The following TRIO variants were observed in gnomAD, a reference collection of about 807,000 sequenced individuals.
TRIO encodes triple functional domain protein.
Under a neutral mutation model 351.9 loss-of-function variants are expected in TRIO, and 58 were observed. The ratio of observed to expected loss-of-function variants is 0.16; its 90% CI spans 0.13 to 0.21. The LOEUF (loss-of-function observed/expected upper bound fraction) is 0.21. Among genes scored for constraint, TRIO ranks in the 10% least tolerant of loss-of-function variants. TRIO has a pLI of 1.00. For synonymous variants in TRIO, 1,758 were observed against 1,595.7 expected (o/e 1.10, Z -2.42); for missense variants, 3,201 against 4,027.8 (o/e 0.79, Z 5.56).
At chr5:14,294,009 CTAA>C (rs1202686913) in intron 6 of TRIO, among the ~76,000 whole-genome samples, 3 of 39,256 alleles carry the variant, frequency 7.6e-5, no homozygotes, top group Non-Finnish European at 1.5e-4. Context: ...GACCCCATCT[CTAA>C]AAAAAAAAAA....
intron 9 of TRIO, among the ~76,000 whole-genome samples, chr5:14,324,678 C>T (rs552149020): frequency 5.1e-4 from 77 of 152,290 alleles, no homozygotes; most frequent in Middle Eastern, 3.4e-3. Context: ...GGTTACTTAT[C>T]CGAGCCTCAA....
intron 27 of TRIO, among the ~76,000 whole-genome samples, chr5:14,393,241 C>CG (rs945434025): frequency 7.9e-6 from 1 of 125,792 alleles, no homozygotes; most frequent in Non-Finnish European, 1.7e-5. Context: ...TGGGGCCTGT[C>CG]GGGGGGTGGG....
At chr5:14,318,927 C>T (rs1479115035) in intron 9 of TRIO, among the ~76,000 whole-genome samples, 2 of 152,176 alleles carry the variant, frequency 1.3e-5, no homozygotes, top group African/African-American at 4.8e-5. Flanking sequence ...CCTCCTTTCC[C>T]CCCACACCCC....
intron 11 of TRIO, among the ~76,000 whole-genome samples, chr5:14,343,198 G>A (rs1019493954): frequency 6.6e-6 from 1 of 151,894 alleles, no homozygotes; most frequent in Admixed American, 6.6e-5. Flanking sequence ...AATCAAACCA[G>A]GACACTGACT....
At chr5:14,301,473 T>G (rs1298753028) in intron 7 of TRIO, among the ~76,000 whole-genome samples, 7 of 152,146 alleles carry the variant, frequency 4.6e-5, no homozygotes, top group African/African-American at 1.4e-4. Flanking sequence ...CTCATTAGAC[T>G]GCAGTAGCCA....
At chr5:14,373,865 C>T (rs529170898) in intron 18 of TRIO, among the ~76,000 whole-genome samples, 2 of 152,224 alleles carry the variant, frequency 1.3e-5, no homozygotes, top group Non-Finnish European at 2.9e-5. Context: ...CTGAGTTCTG[C>T]AGCTCAAGGT....
At chr5:14,356,450 G>A (rs900655753) in intron 11 of TRIO, among the ~76,000 whole-genome samples, 14 of 152,182 alleles carry the variant, frequency 9.2e-5, no homozygotes, top group African/African-American at 2.9e-4. Flanking sequence ...ATTTAGAATG[G>A]CTTAAGTTAA....
At chr5:14,230,042 T>G (rs1386046397) in intron 1 of TRIO, among the ~76,000 whole-genome samples, 2 of 152,166 alleles carry the variant, frequency 1.3e-5, no homozygotes, top group Non-Finnish European at 2.9e-5. Context: ...GTTGTAACGT[T>G]TGCCAGCGCT....
intron 33 of TRIO, among the ~76,000 whole-genome samples, chr5:14,414,871 G>T (rs1007471232): frequency 7.0e-4 from 106 of 152,330 alleles, no homozygotes; most frequent in African/African-American, 2.5e-3. Flanking sequence ...CCGAGTCTCC[G>T]TGAAGTTGCC....
rs1381005880 is a variant in TRIO at position 14,462,863 on chromosome 5, C to T, written c.5605C>T (p.Leu1869=). 1 of 1,612,824 alleles carries T rather than the reference C, an allele frequency of 6.2e-7. No homozygotes were observed. Among genetic ancestry groups the T allele is most frequent in the Middle Eastern group, 1.7e-4 (1 of 6,058 alleles). Reference sequence around the variant, plus strand: ...CGAGGAGGGGGCCGACGCCGTGCCCCTGCCGCCACCCATGGCCATCCAGCA... The same window carrying T: ...CGAGGAGGGGGCCGACGCCGTGCCCTTGCCGCCACCCATGGCCATCCAGCA... ...EGEEGADAVP[L]PPPMAIQQHS... Residue 1869 remains leucine (L), a synonymous_variant, in exon 36 of 57, where the codon CTG becomes TTG. Coordinates refer to ENST00000344204, the MANE Select transcript of TRIO (RefSeq NM_007118.4).
chr5:14,499,383 G>A (rs1158531209), intron 53 of TRIO, among the ~76,000 whole-genome samples: 4 of 152,240 alleles, frequency 2.6e-5, no homozygotes, highest in Non-Finnish European at 4.4e-5. Context: ...TGAGAAAGGT[G>A]TGGACTGTTC....
intron 1 of TRIO, among the ~76,000 whole-genome samples, chr5:14,259,161 C>T (rs1175787771): frequency 2.6e-5 from 4 of 152,212 alleles, no homozygotes; most frequent in Non-Finnish European, 4.4e-5. Context: ...TGTGTGTTTG[C>T]ATCGTTCTGT....
At chr5:14,284,941 C>T (rs1454137163) in intron 3 of TRIO, among the ~76,000 whole-genome samples, 5 of 152,166 alleles carry the variant, frequency 3.3e-5, no homozygotes, top group Non-Finnish European at 5.9e-5. Flanking sequence ...GCTGCCCTCA[C>T]CCCAGTGCCT....
At chr5:14,460,538 C>T (rs1753701353) in intron 34 of TRIO, among the ~76,000 whole-genome samples, 1 of 152,226 alleles carries the variant, frequency 6.6e-6, no homozygotes, top group South Asian at 2.1e-4. Context: ...CAAACTAATG[C>T]ACTTCTGCGA....
chr5:14,396,920 C>A, intron 28 of TRIO, 123 bp from the exon 29 acceptor site: 1 of 737,814 alleles, frequency 1.4e-6, no homozygotes, highest in Non-Finnish European at 2.2e-6. Flanking sequence ...AGAACATATG[C>A]CCAGTTGACC....
chr5:14,430,848 T>C (rs981251450), intron 34 of TRIO, among the ~76,000 whole-genome samples: 3 of 152,068 alleles, frequency 2.0e-5, no homozygotes, highest in Non-Finnish European at 2.9e-5. Flanking sequence ...CCCGAGTAGC[T>C]GGGACCTCAG....
At chr5:14,371,695 C>A (rs1745120691) in intron 18 of TRIO, among the ~76,000 whole-genome samples, 1 of 149,960 alleles carries the variant, frequency 6.7e-6, no homozygotes, top group Non-Finnish European at 1.5e-5. Flanking sequence ...AGCTGGAGTG[C>A]ACTGGTGTGA....
At chr5:14,343,571 G>A (rs1213416887) in intron 11 of TRIO, among the ~76,000 whole-genome samples, 2 of 152,052 alleles carry the variant, frequency 1.3e-5, no homozygotes, top group Non-Finnish European at 1.5e-5. Context: ...CACCCACTTT[G>A]TCGCATGTGT....
chr5:14,289,508 G>C (rs746248032), intron 4 of TRIO, among the ~76,000 whole-genome samples: 29 of 151,884 alleles, frequency 1.9e-4, no homozygotes, highest in African/African-American at 6.8e-4. Context: ...TGTAATCATC[G>C]CCACACTCCA....
Sources: allele counts gnomAD v4.1 joint callset (sites outside exome capture counted in the v4.1 genomes callset), GRCh38; gene constraint gnomAD v4.1.1; transcripts MANE v1.5; gene names NCBI Gene and HGNC (gene_info 2026-07-23, HGNC 2026-07-21).